DZIP1: variants seen among roughly 807,000 people sequenced by gnomAD.
The protein encoded by DZIP1 is DAZ interacting zinc finger protein 1.
DZIP1 carries 97 observed loss-of-function variants against 107.6 expected under a neutral mutation model. The observed-to-expected ratio is 0.90, with a 90% confidence interval of 0.77 to 1.07. DZIP1 has a LOEUF of 1.07. Ranked by LOEUF, DZIP1 falls within the 50% of genes least tolerant of loss-of-function variation. DZIP1 has a pLI of 0.00. For missense variants in DZIP1, 1,035 were observed against 1,063.6 expected, an observed-to-expected ratio of 0.97 and a Z score of 0.37; for synonymous variants, 390 against 386.4, an observed-to-expected ratio of 1.01 and a Z score of -0.11.
intron 15 of DZIP1, 98 bp downstream of exon 15, chr13:95,599,267 T>C (rs367557594): frequency 3.9e-5 from 39 of 989,758 alleles, no homozygotes; most frequent in South Asian, 3.9e-4. Context: ...CTAATTTTGA[T>C]GTAGTGGAAT....
chr13:95,610,305 GT>G (rs1173159810), intron 12 of DZIP1, among the ~76,000 whole-genome samples: 1 of 138,132 alleles, frequency 7.2e-6, no homozygotes, highest in Non-Finnish European at 1.6e-5. Flanking sequence ...ATAATTAAGA[GT>G]TTTTTGGTTT....
intron 13 of DZIP1, among the ~76,000 whole-genome samples, chr13:95,609,195 C>T (rs2044896026): frequency 6.6e-6 from 1 of 152,152 alleles, no homozygotes; most frequent in Non-Finnish European, 1.5e-5. Context: ...AAGGTGATGC[C>T]AAGGAATTTT....
At chr13:95,633,446 G>A in intron 5 of DZIP1, 125 bp from the exon 6 acceptor site, 3 of 748,190 alleles carry the variant, frequency 4.0e-6, no homozygotes, top group Non-Finnish European at 6.8e-6. Flanking sequence ...ACTTTAGGAG[G>A]TCAAGGTAGG....
chr13:95,604,453 A>C (rs545072131), intron 14 of DZIP1, among the ~76,000 whole-genome samples: 89 of 152,308 alleles, frequency 5.8e-4, no homozygotes, highest in African/African-American at 2.0e-3. Flanking sequence ...ATCCCCATCC[A>C]AGGGCTGTAG....
At chr13:95,620,861 T>G (rs545559312) in intron 9 of DZIP1, among the ~76,000 whole-genome samples, 1 of 152,278 alleles carries the variant, frequency 6.6e-6, no homozygotes, top group East Asian at 1.9e-4. Context: ...CTTCAGTTCA[T>G]GAGCGACCAG....
intron 5 of DZIP1, among the ~76,000 whole-genome samples, chr13:95,634,889 T>A (rs1263876793): frequency 6.6e-6 from 1 of 152,248 alleles, no homozygotes; most frequent in Admixed American, 6.5e-5. Context: ...ATTCGGTTTG[T>A]TTTGGAATAA....
chr13:95,622,593 G>T (rs1046739362), intron 8 of DZIP1, 113 bp from the exon 9 acceptor site: 2 of 1,184,170 alleles, frequency 1.7e-6, no homozygotes, highest in Non-Finnish European at 1.2e-6. Flanking sequence ...CCTCTTGGAC[G>T]CTCCTGGACG....
At chr13:95,601,408 C>T (rs562281490) in intron 14 of DZIP1, among the ~76,000 whole-genome samples, 17 of 152,294 alleles carry the variant, frequency 1.1e-4, no homozygotes, top group African/African-American at 4.1e-4. Flanking sequence ...CTGAGTCTCC[C>T]ATGAACTTGT....
intron 17 of DZIP1, 127 bp from the exon 18 acceptor site, chr13:95,590,059 C>T: frequency 7.7e-7 from 1 of 1,290,558 alleles, no homozygotes; most frequent in Non-Finnish European, 1.0e-6. Flanking sequence ...GGGTTTAAAG[C>T]CAGACTCTAG....
intron 20 of DZIP1, 83 bp downstream of exon 20, chr13:95,587,456 A>G (rs2044190643): frequency 6.5e-7 from 1 of 1,535,612 alleles, no homozygotes; most frequent in Non-Finnish European, 8.8e-7. Context: ...CTCCCAGCTC[A>G]GACTCCCAGT....
At chr13:95,607,711 C>G (rs1444575867) in intron 13 of DZIP1, among the ~76,000 whole-genome samples, 1 of 152,056 alleles carries the variant, frequency 6.6e-6, no homozygotes, top group Non-Finnish European at 1.5e-5. Context: ...TATTCCTGAT[C>G]TAGATATTTT....
chr13:95,626,263 C>A (rs1380590600), intron 7 of DZIP1, among the ~76,000 whole-genome samples: 2 of 152,014 alleles, frequency 1.3e-5, no homozygotes, highest in Non-Finnish European at 2.9e-5. Context: ...AAGCAAAGAA[C>A]AGGAAAGCAA....
rs761753523 is a variant in DZIP1, at chr13:95,609,455, A to T, written c.1420+2T>A. 2.1e-5 allele frequency: 33 copies of T among 1,566,908 alleles called. No individual in the cohort carries two copies. Among genetic ancestry groups the T allele is most frequent in the Non-Finnish European group, 8.6e-7 (1 of 1,158,070 alleles). On this transcript the variant is annotated splice_donor_variant, in intron 13 of 22. Coordinates refer to ENST00000376829, the MANE Select transcript of DZIP1 (RefSeq NM_198968.4). LOFTEE classifies it high-confidence loss of function. ...AGCCCTGCATCTATTATAGGAACTT[A>T]CTAGGCACAGCTGGAGCAGCTGGCT...
chr13:95,629,417 G>GA (rs1876934064), intron 7 of DZIP1, among the ~76,000 whole-genome samples: 2 of 151,850 alleles, frequency 1.3e-5, no homozygotes, highest in Non-Finnish European at 2.9e-5. Flanking sequence ...ACATAGATGA[G>GA]AAAAAAGAAA....
chr13:95,583,555 T>A (rs2044066328), intron 22 of DZIP1, among the ~76,000 whole-genome samples: 1 of 151,708 alleles, frequency 6.6e-6, no homozygotes, highest in African/African-American at 2.4e-5. Flanking sequence ...TTTTCTAATT[T>A]AAAAAAAAAT....
At position 95,590,363 on chromosome 13, in the gene DZIP1, CTCTTTCTTGCTTATG is replaced by C. The variant is rs746537549; in HGVS notation, c.1744_1758del (p.His582_Arg586del). 6.2e-7 allele frequency: 1 copy of C among 1,613,854 alleles called. No homozygotes were observed. The highest frequency in any genetic ancestry group is 8.5e-7 in the Non-Finnish European group (1 of 1,179,912). On this transcript the variant is annotated inframe_deletion, in exon 17 of 23. Coordinates refer to ENST00000376829, the MANE Select transcript of DZIP1 (RefSeq NM_198968.4). The stretch of plus-strand genomic sequence containing the variant: ...CGAATTTGATGAAAGTTAGGTATTT[CTCTTTCTTGCTTATG>C]TCTTTCTGATTCCACACTTTTTAGT...
intron 21 of DZIP1, 151 bp from the exon 22 acceptor site, chr13:95,585,061 G>T: frequency 1.8e-6 from 1 of 568,616 alleles, no homozygotes; most frequent in Non-Finnish European, 2.9e-6. Flanking sequence ...ATTTCTGCAG[G>T]GCAATGAAAT....
chr13:95,613,579 G>A (rs1439187301), intron 10 of DZIP1, among the ~76,000 whole-genome samples: 1 of 152,126 alleles, frequency 6.6e-6, no homozygotes, highest in African/African-American at 2.4e-5. Context: ...AGTGGTGACA[G>A]GGTATCCTGA....
intron 5 of DZIP1, among the ~76,000 whole-genome samples, chr13:95,634,321 T>A (rs553953566): frequency 1.3e-5 from 2 of 152,232 alleles, no homozygotes; most frequent in Non-Finnish European, 2.9e-5. Context: ...TGTCACAGTC[T>A]CTGTCACATC....
Sources: gnomAD v4.1 joint callset for allele counts (sites outside exome capture counted in the v4.1 genomes callset) on GRCh38, gnomAD v4.1.1 for gene constraint, MANE v1.5 for transcripts, NCBI Gene and HGNC (gene_info 2026-07-23, HGNC 2026-07-21) for gene names.